The following GPC5 variants were observed in gnomAD, a reference collection of about 807,000 sequenced individuals.
GPC5 encodes the protein glypican 5, also known as glypican-5.
GPC5 carries 47 observed loss-of-function variants against 53.9 expected under a neutral mutation model. That is an observed-to-expected ratio of 0.87 (90% CI 0.69 to 1.11). The LOEUF (loss-of-function observed/expected upper bound fraction) is 1.11, where lower values mean the gene tolerates loss of function less well. Among genes scored for constraint, GPC5 ranks in the 50% most tolerant of loss-of-function variants. The probability of loss-of-function intolerance (pLI) is 0.00; values close to 1 mark genes in which losing one functional copy is unlikely to be tolerated. For missense variants in GPC5, 748 were observed against 713.1 expected (o/e 1.05, Z -0.56); for synonymous variants, 286 against 263.3 (o/e 1.09, Z -0.84).
At chr13:92,297,124 G>T (rs914868615) in intron 7 of GPC5, among the ~76,000 whole-genome samples, 2 of 152,264 alleles carry the variant, frequency 1.3e-5, no homozygotes, top group African/African-American at 2.4e-5. Context: ...AGCCAGCTGG[G>T]CTCCTGAGTC....
intron 7 of GPC5, among the ~76,000 whole-genome samples, chr13:92,570,624 T>C (rs765080736): frequency 1.7e-4 from 26 of 152,140 alleles, no homozygotes; most frequent in Non-Finnish European, 2.8e-4. Flanking sequence ...TTAATTAATG[T>C]TATTAATATT....
At chr13:92,254,011 C>G (rs1356145248) in intron 7 of GPC5, among the ~76,000 whole-genome samples, 1 of 151,968 alleles carries the variant, frequency 6.6e-6, no homozygotes, top group African/African-American at 2.4e-5. Flanking sequence ...CACCCCTAAG[C>G]TTGAATGGAG....
chr13:92,212,145 T>C (rs2042379873), intron 7 of GPC5, among the ~76,000 whole-genome samples: 1 of 151,594 alleles, frequency 6.6e-6, no homozygotes, highest in South Asian at 2.1e-4. Flanking sequence ...CCAGAAAATC[T>C]ATCCTGAGAG....
chr13:92,384,350 C>A (rs2043774948), intron 7 of GPC5, among the ~76,000 whole-genome samples: 2 of 152,094 alleles, frequency 1.3e-5, no homozygotes, highest in African/African-American at 4.8e-5. Context: ...ATCACAAGCA[C>A]AGAACTCATT....
chr13:92,538,178 C>T (rs1284728153), intron 7 of GPC5, among the ~76,000 whole-genome samples: 1 of 152,020 alleles, frequency 6.6e-6, no homozygotes, highest in African/African-American at 2.4e-5. Flanking sequence ...AGAGTAACCA[C>T]ATTTTGCGTA....
At chr13:91,442,785 ATT>A (rs1214280121) in intron 1 of GPC5, among the ~76,000 whole-genome samples, 1 of 152,190 alleles carries the variant, frequency 6.6e-6, no homozygotes, top group Non-Finnish European at 1.5e-5. Flanking sequence ...TGTCTCTGTG[ATT>A]TTAGCAGCTA....
chr13:92,833,861 G>A (rs9589633), intron 7 of GPC5, among the ~76,000 whole-genome samples: 17,490 of 152,176 alleles, frequency 0.11, 1,133 homozygotes, highest in African/African-American at 0.18. Context: ...TAGTATATCC[G>A]TAAGAGTTAA....
rs553152648 is a variant in GPC5 at position 91,735,860 on chromosome 13, T to A, written c.1154+7195T>A. 1.3e-5 allele frequency among the ~76,000 whole-genome samples: 2 copies of A among 151,276 alleles called. 1 individual carries two copies. The highest frequency in any genetic ancestry group is 4.9e-5 in the African/African-American group (2 of 40,604). On this transcript the variant is annotated intron_variant, in intron 4 of 7. Coordinates refer to ENST00000377067, the MANE Select transcript of GPC5 (RefSeq NM_004466.6). ...CAGAGGAGGCATTCTTGATTATTTG[T>A]GATAGCTGAGCATTAGAAGCAAACT...
intron 6 of GPC5, among the ~76,000 whole-genome samples, chr13:91,965,306 A>G (rs1306141048): frequency 6.6e-6 from 1 of 152,176 alleles, no homozygotes; most frequent in Non-Finnish European, 1.5e-5. Context: ...TCAGAAATGT[A>G]ACTTGCTCAG....
chr13:91,471,789 T>C (rs866705216), intron 2 of GPC5, among the ~76,000 whole-genome samples: 4 of 152,226 alleles, frequency 2.6e-5, no homozygotes, highest in African/African-American at 9.6e-5. Context: ...ATTCTTAATA[T>C]AGAATTTACT....
chr13:92,038,576 A>G (rs971904683), intron 6 of GPC5, among the ~76,000 whole-genome samples: 8 of 150,274 alleles, frequency 5.3e-5, no homozygotes, highest in Non-Finnish European at 1.0e-4. Context: ...ATTCATTACT[A>G]TAGTATAGAT....
rs372323608 is a variant in GPC5 at position 92,632,133 on chromosome 13, G to A, written c.1562-234149G>A. Reference sequence around the variant, plus strand: ...TAAATATTTACACACAAAAGTCAGGGCAACAGAAGATGACAAAAGCATTGA... The same window carrying A: ...TAAATATTTACACACAAAAGTCAGGACAACAGAAGATGACAAAAGCATTGA... On this transcript the variant is annotated intron_variant, in intron 7 of 7. Transcript: ENST00000377067. Among the ~76,000 whole-genome samples, 5 of 152,190 alleles carry A rather than the reference G, an allele frequency of 3.3e-5. No homozygotes were observed. In the South Asian group the frequency reaches 6.2e-4, roughly 19 times the overall value.
At chr13:92,598,066 T>G (rs887762751) in intron 7 of GPC5, among the ~76,000 whole-genome samples, 27 of 152,198 alleles carry the variant, frequency 1.8e-4, no homozygotes, top group African/African-American at 6.5e-4. Flanking sequence ...CCATCTAAAT[T>G]TAGCTTACTT....
At chr13:92,211,756 T>C (rs536766281) in intron 7 of GPC5, among the ~76,000 whole-genome samples, 7 of 149,644 alleles carry the variant, frequency 4.7e-5, no homozygotes, top group Admixed American at 2.0e-4. Flanking sequence ...GCTCCTCAAT[T>C]AGATAGGAGC....
At chr13:91,899,747 A>G (rs1467919490) in intron 5 of GPC5, among the ~76,000 whole-genome samples, 1 of 152,138 alleles carries the variant, frequency 6.6e-6, no homozygotes, top group African/African-American at 2.4e-5. Flanking sequence ...GAAGATGGAG[A>G]CAGAAATTGG....
intron 7 of GPC5, among the ~76,000 whole-genome samples, chr13:92,348,477 T>C (rs888310709): frequency 5.9e-5 from 9 of 152,104 alleles, no homozygotes; most frequent in African/African-American, 2.2e-4. Context: ...CATACAATAA[T>C]AGTAAGAGAC....
intron 7 of GPC5, among the ~76,000 whole-genome samples, chr13:92,294,899 GGCTCACTACAACCTCT>G (rs951293686): frequency 7.3e-6 from 1 of 137,842 alleles, no homozygotes; most frequent in Non-Finnish European, 1.5e-5. Context: ...GCATGATCTT[GGCTCACTACAACCTCT>G]GCCTCCCGGT....
intron 1 of GPC5, among the ~76,000 whole-genome samples, chr13:91,421,291 G>T (rs1878611494): frequency 6.6e-6 from 1 of 152,096 alleles, no homozygotes; most frequent in Non-Finnish European, 1.5e-5. Context: ...CAGTTATTTT[G>T]GGATGTGATG....
chr13:91,552,339 T>A (rs888084503), intron 2 of GPC5, among the ~76,000 whole-genome samples: 4 of 152,132 alleles, frequency 2.6e-5, no homozygotes, highest in African/African-American at 9.6e-5. Flanking sequence ...TATTTTATTG[T>A]TATATCTAAC....
Sources: gnomAD v4.1 joint callset for allele counts (sites outside exome capture counted in the v4.1 genomes callset) on GRCh38, gnomAD v4.1.1 for gene constraint, MANE v1.5 for transcripts, NCBI Gene and HGNC (gene_info 2026-07-23, HGNC 2026-07-21) for gene names.